Variants in TBX10 observed in about 807,000 individuals in gnomAD.
The protein encoded by TBX10 is T-box transcription factor 10.
In TBX10, 26 loss-of-function variants were observed where a neutral mutation model predicts 32.4. The ratio of observed to expected loss-of-function variants is 0.80; its 90% confidence interval spans 0.59 to 1.11. The LOEUF (loss-of-function observed/expected upper bound fraction) is 1.11, where lower values mean the gene tolerates loss of function less well. Among genes scored for constraint, TBX10 ranks in the 50% most tolerant of loss-of-function variants. The pLI is 0.00. For synonymous variants in TBX10, 195 were observed against 203.1 expected, an observed-to-expected ratio of 0.96 and a Z score of 0.34; for missense variants, 490 against 494.5, an observed-to-expected ratio of 0.99 and a Z score of 0.09.
In TBX10 at chr11:67,631,786, G is replaced by GT; in HGVS notation, c.976dup (p.Thr326AsnfsTer31). 6.3e-7 allele frequency: 1 copy of GT among 1,599,962 alleles called. No homozygotes were observed. Among genetic ancestry groups the GT allele is most frequent in the South Asian group, 1.1e-5 (1 of 88,468 alleles). On this transcript the variant is annotated frameshift_variant, in exon 8 of 8. Coordinates refer to ENST00000335385, the MANE Select transcript of TBX10 (RefSeq NM_005995.5). LOFTEE classifies it low-confidence loss of function (END_TRUNC). The stretch of plus-strand genomic sequence containing the variant: ...GGCTCCAGAGTACAGGCTCTGATAC[G>GT]TGACAGGCCTGTAGGTGGCCGGGGC...
intron 1 of TBX10, among the ~76,000 whole-genome samples, chr11:67,638,844 C>T (rs545978434): frequency 4.6e-5 from 7 of 152,142 alleles, no homozygotes; most frequent in East Asian, 3.9e-4. Context: ...GGTTGTCGCC[C>T]GGCTGCCCTG....
chr11:67,632,744 A>C, intron 5 of TBX10, 74 bp from the exon 6 acceptor site: 1 of 1,590,880 alleles, frequency 6.3e-7, no homozygotes, highest in Non-Finnish European at 8.6e-7. Context: ...GGGAACCGGC[A>C]GTCAGGAGGC....
Position 67,632,343 on chromosome 11 carries a change from C to T in TBX10, c.843G>A (p.Leu281=). The T allele has an allele frequency of 1.2e-6, 2 of 1,613,438 alleles. No individual in the cohort carries two copies. The highest frequency in any genetic ancestry group is 1.7e-6 in the Non-Finnish European group (2 of 1,180,028). The change falls in exon 7 of 8, where the codon CTG becomes CTA. Residue 281 remains leucine (L), a synonymous_variant. Transcript: ENST00000335385. ...RSHSSLSPCV[L]KGATDREKDP... ...CTTTCTCCCTGTCTGTGGCACCCTT[C>T]AGCACACAGGGACTGAGGCTGCTGT...
rs769321117 is a variant in TBX10 at position 67,631,888 on chromosome 11, T to C, written c.875A>G (p.Asn292Ser). 5.7e-6 allele frequency: 9 copies of C among 1,568,038 alleles called. No homozygotes were observed. The highest frequency in any genetic ancestry group is 2.3e-5 in the South Asian group (2 of 85,380). ...CTTGGAGGTGGAAGCTGAAGCTTTG[T>C]TGGGGTCTGAGGGAGGAAATGAGTG... Reference protein sequence around the residue: ...KGATDREKDPNKASASTSKTP... With the variant: ...KGATDREKDPSKASASTSKTP... Residue 292 changes from asparagine (N) to serine (S), a missense_variant, in exon 8 of 8, where the codon AAC becomes AGC. Asn to Ser is a conservative substitution (Grantham distance 46). This residue lies in a region of TBX10 where 177 missense variants were observed against 176.6 expected (regional missense o/e 1.00). Transcript: ENST00000335385.
chr11:67,631,534 G>C lies in TBX10; in HGVS notation c.*71C>G. The C allele has an allele frequency of 6.5e-7, 1 of 1,527,404 alleles. No individual in the cohort carries two copies. 94.6% of individuals were successfully genotyped at this position (1,527,404 alleles called of 1,614,324 possible). A position where few individuals can be genotyped will look rare whatever the true frequency, so the allele number is the denominator to read the frequency against. On this transcript the variant is annotated 3_prime_UTR_variant, in exon 8 of 8. Coordinates refer to ENST00000335385, the MANE Select transcript of TBX10 (RefSeq NM_005995.5). ...AGACAGAGATGGGGCTGGAGGGGGCGGGGCAGAGGCTGATTCCCACACCCG... is the reference window on the plus strand; with the variant it reads ...AGACAGAGATGGGGCTGGAGGGGGCCGGGCAGAGGCTGATTCCCACACCCG...
At chr11:67,634,407 G>T in intron 3 of TBX10, 47 bp from the exon 4 acceptor site, 2 of 1,595,656 alleles carry the variant, frequency 1.3e-6, no homozygotes, top group Non-Finnish European at 1.7e-6. Flanking sequence ...CCAGAGTCAC[G>T]CCTGAACAAT....
rs1371534302 is a variant in TBX10 at position 67,639,506 on chromosome 11, C to T, written c.-34G>A. 1.3e-6 allele frequency: 2 copies of T among 1,597,976 alleles called. No individual in the cohort carries two copies. Among genetic ancestry groups the T allele is most frequent in the African/African-American group, 1.4e-5 (1 of 73,494 alleles). On this transcript the variant is annotated 5_prime_UTR_variant, in exon 1 of 8. Coordinates refer to ENST00000335385, the MANE Select transcript of TBX10 (RefSeq NM_005995.5). ...AGAGGCTGTCCGGCTCCTGGAGAAA[C>T]ACTGCTTGGCTGGGGCTGGGAACCT...
At chr11:67,638,484 C>A (rs1485217298) in intron 1 of TBX10, among the ~76,000 whole-genome samples, 1 of 152,100 alleles carries the variant, frequency 6.6e-6, no homozygotes, top group African/African-American at 2.4e-5. Flanking sequence ...CTATGGGATG[C>A]CTGGAGCAGA....
rs187767074 is a variant in TBX10, at chr11:67,634,746, T to C, written c.377+70A>G. 1.6e-4 allele frequency: 234 copies of C among 1,487,104 alleles called. 1 individual carries two copies. In the East Asian group the frequency reaches 4.9e-3, roughly 31 times the overall value. The allele number at this position is 1,487,104 out of a possible 1,614,324, so 92.1% of individuals were successfully genotyped here. A position where few individuals can be genotyped will look rare whatever the true frequency, so the allele number is the denominator to read the frequency against. ...GACAGGCCCCTGCCTCACCTTGGGG[T>C]GCAGGAAGGGTCTAATTCCTGGTCT... On this transcript the variant is annotated intron_variant, in intron 3 of 7. Transcript: ENST00000335385.
upstream of TBX10, among the ~76,000 whole-genome samples, chr11:67,640,619 A>G (rs2509712): frequency 0.21 from 32,102 of 152,168 alleles, 3,592 homozygotes; most frequent in African/African-American, 0.27. Context: ...TCCCCCTGAG[A>G]GGCTGCCAGT....
At position 67,634,338 on chromosome 11, in the gene TBX10, A is replaced by T; in HGVS notation, c.400T>A (p.Trp134Arg). Residue 134 changes from tryptophan to arginine, a missense_variant, in exon 4 of 8, where the codon TGG becomes AGG. Coordinates refer to ENST00000335385, the MANE Select transcript of TBX10 (RefSeq NM_005995.5). ...RYRYAFHSSA[W>R]LVAGKADPAT... ...GGGTCTGCCTTGCCCGCCACCAGCC[A>T]GGCCGAGCTGTGGAAGGCATACCTG... The T allele has an allele frequency of 6.2e-7, 1 of 1,605,178 alleles. No individual in the cohort carries two copies. Among genetic ancestry groups the T allele is most frequent in the Middle Eastern group, 1.6e-4 (1 of 6,062 alleles).
chr11:67,636,688 G>T (rs756670403), intron 1 of TBX10, among the ~76,000 whole-genome samples: 35 of 151,616 alleles, frequency 2.3e-4, no homozygotes, highest in Non-Finnish European at 4.4e-4. Flanking sequence ...ATTAGAGACG[G>T]GATTTCACCA....
In TBX10 at chr11:67,631,991, T is replaced by G. The variant is rs60521870; in HGVS notation, c.869-97A>C. ...CCCTTCCTGCTCCTCCTTCCCAAGTTACCTACCTCTCAGCCTTCGCCTTTG... is the reference window on the plus strand; with the variant it reads ...CCCTTCCTGCTCCTCCTTCCCAAGTGACCTACCTCTCAGCCTTCGCCTTTG... On this transcript the variant is annotated intron_variant, in intron 7 of 7. Coordinates refer to ENST00000335385, the MANE Select transcript of TBX10 (RefSeq NM_005995.5). The G allele has an allele frequency of 0.015, 22,020 of 1,489,456 alleles. 2,350 individuals carry two copies. The African/African-American group carries it at 0.25, about 17-fold the overall frequency. The allele number at this position is 1,489,456 out of a possible 1,614,324, so 92.3% of individuals were successfully genotyped here. A position where few individuals can be genotyped will look rare whatever the true frequency, so the allele number is the denominator to read the frequency against.
rs764342039 is a variant in TBX10, at chr11:67,632,311, G to T, written c.868+7C>A. On this transcript the variant is annotated splice_region_variant and intron_variant, in intron 7 of 7. Coordinates refer to ENST00000335385, the MANE Select transcript of TBX10 (RefSeq NM_005995.5). ...GTCCCACTATGTCTGCAGGCCTGGG[G>T]CCTTACCTTTCTCCCTGTCTGTGGC... The T allele has an allele frequency of 5.0e-6, 8 of 1,613,228 alleles. No homozygotes were observed. The highest frequency in any genetic ancestry group is 3.3e-4 in the Middle Eastern group (2 of 6,062).
At chr11:67,634,546 G>A (rs1240048170) in intron 3 of TBX10, among the ~76,000 whole-genome samples, 186 bp from the exon 4 acceptor site, 2 of 152,190 alleles carry the variant, frequency 1.3e-5, no homozygotes, top group Admixed American at 6.5e-5. Flanking sequence ...GCACCTGGCT[G>A]GTGGATGACA....
chr11:67,640,368 C>T (rs545316103), upstream of TBX10, among the ~76,000 whole-genome samples: 4 of 152,318 alleles, frequency 2.6e-5, no homozygotes, highest in East Asian at 3.9e-4. Flanking sequence ...GCCTGGAGAG[C>T]GGTAAGCCCA....
Position 67,632,969 on chromosome 11 carries a change from C to T in TBX10, c.684G>A (p.Val228=), listed in dbSNP as rs765645092. ...CCACCCTGTGGTTCTGATAGGCTGT[C>T]ACTGCTGTGAACTGGGTCTCTGTGA... is the stretch of plus-strand genomic sequence containing the variant. ...FIFTETQFTA[V]TAYQNHRITQ... The change falls in exon 5 of 8, where the codon GTG becomes GTA. Residue 228 remains valine, a synonymous_variant. Coordinates refer to ENST00000335385, the MANE Select transcript of TBX10 (RefSeq NM_005995.5). 1 of 1,614,220 alleles carries T rather than the reference C, an allele frequency of 6.2e-7. No individual in the cohort carries two copies. Among genetic ancestry groups the T allele is most frequent in the East Asian group, 2.2e-5 (1 of 44,892 alleles).
At chr11:67,632,766 G>A in intron 5 of TBX10, 96 bp from the exon 6 acceptor site, 1 of 1,557,698 alleles carries the variant, frequency 6.4e-7, no homozygotes. Flanking sequence ...CTGGCACCTG[G>A]GCCTCTTGGC....
intron 1 of TBX10, among the ~76,000 whole-genome samples, chr11:67,636,149 A>G (rs764981990): frequency 5.1e-5 from 7 of 137,270 alleles, no homozygotes; most frequent in Non-Finnish European, 9.0e-5. Flanking sequence ...GAGCTCTGTC[A>G]TAGCTCACTG....
Sources: allele counts gnomAD v4.1 joint callset (sites outside exome capture counted in the v4.1 genomes callset), GRCh38; gene constraint gnomAD v4.1.1; regional missense constraint gnomAD v4.1.1; transcripts MANE v1.5; gene names NCBI Gene and HGNC (gene_info 2026-07-23, HGNC 2026-07-21).